MCTP1: variants seen among roughly 807,000 people sequenced by gnomAD.
MCTP1 encodes multiple C2 and transmembrane domain containing 1.
A neutral mutation model predicts 120.6 loss-of-function variants in MCTP1; 69 were observed. That is an observed-to-expected ratio of 0.57 (90% confidence interval 0.47 to 0.70). The LOEUF (loss-of-function observed/expected upper bound fraction) is 0.70. Among genes scored for constraint, MCTP1 ranks in the 30% least tolerant of loss-of-function variants. The pLI, the probability that MCTP1 is intolerant of heterozygous loss-of-function variation, is 0.00. For synonymous variants in MCTP1, 529 were observed against 493.1 expected, an observed-to-expected ratio of 1.07 and a Z score of -0.96; for missense variants, 1,203 against 1,248.8, an observed-to-expected ratio of 0.96 and a Z score of 0.55.
intron 1 of MCTP1, among the ~76,000 whole-genome samples, chr5:95,213,716 T>C (rs1752682690): frequency 6.6e-6 from 1 of 151,798 alleles, no homozygotes; most frequent in Non-Finnish European, 1.5e-5. Context: ...GCCACATATC[T>C]ACAACTATCT....
At chr5:94,990,207 G>A (rs72777361) in intron 2 of MCTP1, among the ~76,000 whole-genome samples, 6,740 of 152,224 alleles carry the variant, frequency 0.044, 280 homozygotes, top group East Asian at 0.087. Context: ...GGTAATTAGC[G>A]TTGAAATTGA....
intron 1 of MCTP1, among the ~76,000 whole-genome samples, chr5:95,167,272 T>C (rs568882954): frequency 4.9e-4 from 74 of 152,356 alleles, no homozygotes; most frequent in African/African-American, 1.7e-3. Flanking sequence ...TATTCCATGG[T>C]GTATATGTGC....
At position 94,873,207 on chromosome 5, in the gene MCTP1, G is replaced by T; in HGVS notation, c.1968C>A (p.Asn656Lys). ...KSDPFCVVEL[N>K]NDRLLTHTVY... The stretch of plus-strand genomic sequence containing the variant: ...CAGTATGTGTTAGCAGTCTATCGTT[G>T]TTCAGTTCTACCACACAAAATGGGT... Residue 656 changes from asparagine (N) to lysine (K), a missense_variant, in exon 13 of 23, where the codon AAC (asparagine) becomes AAA (lysine). By Grantham distance (94) the Asn-to-Lys change is moderately conservative. Around this residue, in one of 2 missense-constraint regions of MCTP1, gnomAD observed 740 missense variants for 871.1 expected, o/e 0.85. Transcript: ENST00000515393. 6.2e-7 allele frequency: 1 copy of T among 1,610,708 alleles called. No individual in the cohort carries two copies.
intron 1 of MCTP1, among the ~76,000 whole-genome samples, chr5:95,269,575 A>T (rs576211597): frequency 1.3e-5 from 2 of 152,328 alleles, no homozygotes; most frequent in Admixed American, 1.3e-4. Context: ...CTCCAAAACA[A>T]TGGAAAGACC....
At chr5:94,869,249 C>T (rs557138057) in intron 16 of MCTP1, among the ~76,000 whole-genome samples, 1 of 152,056 alleles carries the variant, frequency 6.6e-6, no homozygotes, top group African/African-American at 2.4e-5. Context: ...TATATGTCTG[C>T]AAGTTAACAT....
At chr5:94,889,153 G>A (rs567228204) in intron 11 of MCTP1, among the ~76,000 whole-genome samples, 181 bp from the exon 12 acceptor site, 35 of 151,948 alleles carry the variant, frequency 2.3e-4, no homozygotes, top group African/African-American at 8.5e-4. Flanking sequence ...AATTGCATGT[G>A]CTAGCTGAGG....
intron 1 of MCTP1, among the ~76,000 whole-genome samples, chr5:95,141,805 G>T (rs1192983463): frequency 6.6e-6 from 1 of 152,090 alleles, no homozygotes; most frequent in Non-Finnish European, 1.5e-5. Context: ...TTTAGAGCAG[G>T]ATTTTTATTA....
At position 95,279,473 on chromosome 5, in the gene MCTP1, C is replaced by T. The variant is rs1760136628; in HGVS notation, c.720+4383G>A. Among the ~76,000 whole-genome samples, 3 of 152,138 alleles carry T rather than the reference C, an allele frequency of 2.0e-5. No homozygotes were observed. In the South Asian group the frequency reaches 6.2e-4, roughly 32 times the overall value. ...CACTGCAAGTAACATAGTTCATATCCTAAATTAAATAAGAAGGAATGGCAA... is the reference window on the plus strand; with the variant it reads ...CACTGCAAGTAACATAGTTCATATCTTAAATTAAATAAGAAGGAATGGCAA... On this transcript the variant is annotated intron_variant, in intron 1 of 22. Transcript: ENST00000515393.
At chr5:94,887,148 C>G (rs964393626) in intron 12 of MCTP1, among the ~76,000 whole-genome samples, 5 of 152,052 alleles carry the variant, frequency 3.3e-5, no homozygotes, top group African/African-American at 4.8e-5. Flanking sequence ...ATTTATATCT[C>G]TAAAAGTGGA....
At chr5:95,233,806 A>G (rs1384892528) in intron 1 of MCTP1, among the ~76,000 whole-genome samples, 1 of 152,172 alleles carries the variant, frequency 6.6e-6, no homozygotes, top group Non-Finnish European at 1.5e-5. Flanking sequence ...AGGTTCTCAA[A>G]TCCCCTCAGC....
At chr5:95,084,536 GTT>G (rs79057275) in intron 1 of MCTP1, among the ~76,000 whole-genome samples, 4 of 136,120 alleles carry the variant, frequency 2.9e-5, no homozygotes, top group Non-Finnish European at 4.8e-5. Context: ...GTCTTTGGGT[GTT>G]TTTTTTTTTT....
chr5:94,742,230 T>C (rs919440747), intron 19 of MCTP1, among the ~76,000 whole-genome samples: 54 of 152,210 alleles, frequency 3.5e-4, no homozygotes, highest in African/African-American at 1.3e-3. Context: ...TATTATTATT[T>C]TTCTTATAGA....
intron 1 of MCTP1, among the ~76,000 whole-genome samples, chr5:95,190,767 T>A (rs1009110406): frequency 2.0e-5 from 3 of 152,222 alleles, no homozygotes; most frequent in African/African-American, 4.8e-5. Context: ...TAAGTGCTAT[T>A]TGATGTACAT....
chr5:95,138,056 T>C (rs980236124), intron 1 of MCTP1, among the ~76,000 whole-genome samples: 4 of 151,822 alleles, frequency 2.6e-5, no homozygotes, highest in African/African-American at 9.7e-5. Flanking sequence ...TTACTTCAAA[T>C]TTTTTTTTCA....
intron 3 of MCTP1, among the ~76,000 whole-genome samples, chr5:94,950,004 G>A (rs1820083070): frequency 6.6e-6 from 1 of 151,388 alleles, no homozygotes; most frequent in Admixed American, 6.6e-5. Flanking sequence ...GGCAAAAAAT[G>A]GAACACAAAT....
chr5:95,154,185 C>T (rs1744838277), intron 1 of MCTP1: 1 of 152,102 alleles, frequency 6.6e-6, no homozygotes, highest in Non-Finnish European at 1.5e-5. Context: ...TATCACTTAT[C>T]CAGGAACAGA....
At chr5:95,019,363 C>G (rs1837751195) in intron 1 of MCTP1, among the ~76,000 whole-genome samples, 1 of 152,034 alleles carries the variant, frequency 6.6e-6, no homozygotes, top group Admixed American at 6.6e-5. Flanking sequence ...ATTGGATCCC[C>G]TGAACTTACT....
chr5:95,176,087 C>A (rs1437222125), intron 1 of MCTP1, among the ~76,000 whole-genome samples: 2 of 152,122 alleles, frequency 1.3e-5, no homozygotes, highest in Non-Finnish European at 2.9e-5. Context: ...GGCCTTCTTG[C>A]CTCCTTGAGA....
intron 1 of MCTP1, among the ~76,000 whole-genome samples, chr5:95,273,070 G>A (rs1367654566): frequency 6.6e-6 from 1 of 152,212 alleles, no homozygotes; most frequent in Admixed American, 6.5e-5. Context: ...TGATTTGGGG[G>A]TTTGGCCCCA....
Sources: allele counts gnomAD v4.1 joint callset (sites outside exome capture counted in the v4.1 genomes callset), GRCh38; gene constraint gnomAD v4.1.1; regional missense constraint gnomAD v4.1.1; transcripts MANE v1.5; gene names NCBI Gene and HGNC (gene_info 2026-07-23, HGNC 2026-07-21).